HS3ST4: variants seen among roughly 807,000 people sequenced by gnomAD.
HS3ST4 encodes heparan sulfate glucosamine 3-O-sulfotransferase 4.
HS3ST4 carries 17 observed loss-of-function variants against 29.2 expected under a neutral mutation model. That is an observed-to-expected ratio of 0.58 (90% CI 0.40 to 0.87). HS3ST4 has a LOEUF of 0.87. Ranked by LOEUF, HS3ST4 falls within the 40% of genes least tolerant of loss-of-function variation. HS3ST4 has a pLI of 0.00. For missense variants in HS3ST4, 627 were observed against 634.5 expected (o/e 0.99, Z 0.13); for synonymous variants, 314 against 285.7 (o/e 1.10, Z -1.00).
At chr16:26,036,977 A>G (rs985916893) in intron 1 of HS3ST4, among the ~76,000 whole-genome samples, 2 of 152,208 alleles carry the variant, frequency 1.3e-5, no homozygotes, top group Non-Finnish European at 2.9e-5. Flanking sequence ...GACCAACATG[A>G]ACCAGCTCCA....
intron 1 of HS3ST4, among the ~76,000 whole-genome samples, chr16:26,011,705 A>T (rs8058716): frequency 0.6 from 76,187 of 127,706 alleles, 20,215 homozygotes; most frequent in South Asian, 0.75. Context: ...TGTGTGTGTG[A>T]GAGAGAGACA....
chr16:25,851,657 A>G (rs1321495086), intron 1 of HS3ST4, among the ~76,000 whole-genome samples: 1 of 152,140 alleles, frequency 6.6e-6, no homozygotes, highest in African/African-American at 2.4e-5. Context: ...ACTTGGATAT[A>G]CAATCTTTGT....
chr16:25,919,840 A>G (rs1475952623), intron 1 of HS3ST4, among the ~76,000 whole-genome samples: 2 of 151,902 alleles, frequency 1.3e-5, no homozygotes, highest in Non-Finnish European at 2.9e-5. Context: ...TGATAAGGAA[A>G]GAATTCATAT....
chr16:26,131,785 T>C (rs1335240651), intron 1 of HS3ST4, among the ~76,000 whole-genome samples: 1 of 152,102 alleles, frequency 6.6e-6, no homozygotes, highest in Non-Finnish European at 1.5e-5. Flanking sequence ...TCAAAACCTT[T>C]CACAACAAAA....
chr16:25,972,100 A>G (rs1968904334), intron 1 of HS3ST4, among the ~76,000 whole-genome samples: 1 of 152,136 alleles, frequency 6.6e-6, no homozygotes. Context: ...TGTATTAGCT[A>G]TTGTTGCTCT....
intron 1 of HS3ST4, among the ~76,000 whole-genome samples, chr16:25,983,764 A>C (rs1378330020): frequency 2.0e-5 from 3 of 152,218 alleles, no homozygotes; most frequent in African/African-American, 7.2e-5. Flanking sequence ...ATCATTCACC[A>C]GCCTGTGAGT....
intron 1 of HS3ST4, among the ~76,000 whole-genome samples, chr16:26,080,163 C>T (rs900850871): frequency 3.9e-5 from 6 of 152,040 alleles, no homozygotes; most frequent in Admixed American, 6.6e-5. Flanking sequence ...ACGTGAGGTT[C>T]GAGGAGTCAG....
chr16:25,905,476 C>G (rs528590005), intron 1 of HS3ST4, among the ~76,000 whole-genome samples: 2 of 152,260 alleles, frequency 1.3e-5, no homozygotes, highest in African/African-American at 4.8e-5. Context: ...TGGAGTTGGA[C>G]TAGCAGCACT....
intron 1 of HS3ST4, among the ~76,000 whole-genome samples, chr16:25,898,250 G>C (rs12446144): frequency 6.6e-6 from 1 of 152,122 alleles, no homozygotes; most frequent in Admixed American, 6.5e-5. Flanking sequence ...AACTGAAAAT[G>C]ACTTTAGTAG....
intron 1 of HS3ST4, among the ~76,000 whole-genome samples, chr16:26,031,196 A>C (rs1310600700): frequency 1.3e-5 from 2 of 152,014 alleles, no homozygotes; most frequent in African/African-American, 4.8e-5. Context: ...TGGGATTGGG[A>C]AGTGATTTTA....
chr16:25,797,487 A>G (rs1379646075), intron 1 of HS3ST4, among the ~76,000 whole-genome samples: 2 of 152,234 alleles, frequency 1.3e-5, no homozygotes, highest in African/African-American at 4.8e-5. Flanking sequence ...GAATTAATAC[A>G]TGCGAGGGGC....
chr16:25,856,739 T>C (rs1967577364), intron 1 of HS3ST4, among the ~76,000 whole-genome samples: 1 of 152,204 alleles, frequency 6.6e-6, no homozygotes, highest in Non-Finnish European at 1.5e-5. Flanking sequence ...GAACCATGGG[T>C]TGGACAAGCT....
chr16:25,903,423 GTTTGAATGCTGTAATTCATGCCT>G (rs1413315084), intron 1 of HS3ST4, among the ~76,000 whole-genome samples: 1 of 148,612 alleles, frequency 6.7e-6, no homozygotes, highest in Non-Finnish European at 1.5e-5. Context: ...GGACTCTCAT[GTTTGAATGCTGTAATTCATGCCT>G]GATTCATTGC....
chr16:26,045,746 T>G (rs931007186), intron 1 of HS3ST4, among the ~76,000 whole-genome samples: 1 of 152,256 alleles, frequency 6.6e-6, no homozygotes, highest in Non-Finnish European at 1.5e-5. Context: ...CATTGTCATC[T>G]TCTTTACTGT....
At chr16:26,057,300 G>A (rs1823815953) in intron 1 of HS3ST4, among the ~76,000 whole-genome samples, 1 of 152,164 alleles carries the variant, frequency 6.6e-6, no homozygotes, top group Non-Finnish European at 1.5e-5. Flanking sequence ...AAAGAGGAGA[G>A]CAAACACCTT....
intron 1 of HS3ST4, among the ~76,000 whole-genome samples, chr16:25,765,384 C>T (rs757687247): frequency 1.3e-5 from 2 of 152,154 alleles, no homozygotes; most frequent in Admixed American, 6.5e-5. Context: ...AGCCGCTTGC[C>T]GCTTCTGCTG....
At chr16:25,808,633 G>A (rs1033796941) in intron 1 of HS3ST4, among the ~76,000 whole-genome samples, 1 of 152,070 alleles carries the variant, frequency 6.6e-6, no homozygotes, top group African/African-American at 2.4e-5. Context: ...GAATGTGTTT[G>A]TTTACCTCTA....
intron 1 of HS3ST4, among the ~76,000 whole-genome samples, chr16:25,902,959 C>T (rs1968133739): frequency 1.3e-5 from 2 of 149,086 alleles, no homozygotes; most frequent in South Asian, 4.3e-4. Flanking sequence ...ATTGGCTGGG[C>T]ATGGTGGCAT....
intron 1 of HS3ST4, among the ~76,000 whole-genome samples, chr16:25,990,192 A>G (rs1969102292): frequency 6.6e-6 from 1 of 152,184 alleles, no homozygotes. Context: ...AAATTTTGGC[A>G]ATTAGTGCTT....
Sources: gnomAD v4.1 joint callset for allele counts (sites outside exome capture counted in the v4.1 genomes callset) on GRCh38, gnomAD v4.1.1 for gene constraint, MANE v1.5 for transcripts, NCBI Gene and HGNC (gene_info 2026-07-23, HGNC 2026-07-21) for gene names.